The following SNX16 variants were observed in gnomAD, a reference collection of about 807,000 sequenced individuals.
SNX16 encodes the protein sorting nexin 16, also known as sorting nexin-16.
In SNX16, 35 loss-of-function variants were observed where a neutral mutation model predicts 36.7. The observed-to-expected ratio is 0.95, with a 90% CI of 0.73 to 1.27. SNX16 has a LOEUF of 1.27. Among genes scored for constraint, SNX16 ranks in the 50% most tolerant of loss-of-function variants. The probability of loss-of-function intolerance (pLI) is 0.00; values close to 1 mark genes in which losing one functional copy is unlikely to be tolerated. For synonymous variants in SNX16, 134 were observed against 132.0 expected (o/e 1.02, Z -0.10); for missense variants, 367 against 393.6 (o/e 0.93, Z 0.57).
intron 2 of SNX16, among the ~76,000 whole-genome samples, chr8:81,837,743 C>T (rs762184812): frequency 2.0e-5 from 3 of 152,154 alleles, no homozygotes; most frequent in Non-Finnish European, 2.9e-5. Context: ...AAGGAACGCA[C>T]ATTCAGACCA....
intron 1 of SNX16, among the ~76,000 whole-genome samples, chr8:81,841,341 CAA>C (rs34609959): frequency 3.0e-4 from 27 of 89,628 alleles, no homozygotes; most frequent in Admixed American, 2.3e-4. Context: ...AACTCCGTCT[CAA>C]AAAAAAAAAA....
chr8:81,831,150 A>G (rs529411419), intron 2 of SNX16, among the ~76,000 whole-genome samples: 1 of 152,316 alleles, frequency 6.6e-6, no homozygotes, highest in African/African-American at 2.4e-5. Context: ...AAGGCCACAA[A>G]CTATAAGAGT....
chr8:81,820,828 G>C (rs921763893), intron 4 of SNX16, among the ~76,000 whole-genome samples: 2 of 151,674 alleles, frequency 1.3e-5, no homozygotes, highest in African/African-American at 4.8e-5. Context: ...TTTAAAACCA[G>C]TGAGTATATA....
chr8:81,808,163 T>A, intron 5 of SNX16: 2 of 1,306,412 alleles, frequency 1.5e-6, no homozygotes, highest in South Asian at 2.4e-5. Context: ...TGTGGAAAAA[T>A]GGAAGTGATT....
intron 1 of SNX16, chr8:81,841,698 C>T (rs1811786616): frequency 6.6e-6 from 1 of 152,230 alleles, no homozygotes; most frequent in Non-Finnish European, 1.5e-5. Flanking sequence ...TCGCCTCTAC[C>T]CTGATGCGGA....
rs570097637 is a variant in SNX16 at position 81,807,721 on chromosome 8, C to T, written c.682-4493G>A. On this transcript the variant is annotated intron_variant, in intron 5 of 7. Transcript: ENST00000345957. ...TGAGGTCAGCTTGCTCCTTTCTGCC[C>T]GTGGATGCCGCCGAAGAAGCATTGT... 1.9e-3 allele frequency: 1,138 copies of T among 601,078 alleles called. 3 individuals carry two copies. Among genetic ancestry groups the T allele is most frequent in the Non-Finnish European group, 3.0e-3 (996 of 328,822 alleles). 37.2% of individuals were successfully genotyped at this position (601,078 alleles called of 1,614,324 possible).
At chr8:81,805,092 C>T (rs1405893674) in intron 5 of SNX16, among the ~76,000 whole-genome samples, 2 of 151,930 alleles carry the variant, frequency 1.3e-5, no homozygotes, top group African/African-American at 2.4e-5. Flanking sequence ...TTCAAGCACA[C>T]ATGGAAAATT....
At chr8:81,839,466 G>T (rs1247919478) in intron 2 of SNX16, 146 bp downstream of exon 2, 2 of 846,528 alleles carry the variant, frequency 2.4e-6, no homozygotes, top group Non-Finnish European at 3.6e-6. Flanking sequence ...ACTACAACAT[G>T]ATAGAATTCA....
At chr8:81,808,037 C>A in intron 5 of SNX16, 2 of 897,380 alleles carry the variant, frequency 2.2e-6, no homozygotes, top group Non-Finnish European at 3.7e-6. Flanking sequence ...CCAAAGAGAG[C>A]TGTCTCAAGG....
chr8:81,810,599 A>G (rs1208919816), intron 5 of SNX16, among the ~76,000 whole-genome samples: 1 of 152,220 alleles, frequency 6.6e-6, no homozygotes, highest in Non-Finnish European at 1.5e-5. Context: ...ATTTTAGAGA[A>G]AGAGTCTAGG....
chr8:81,800,080 A>G lies in SNX16; in HGVS notation c.*1417T>C, dbSNP rs1809617125. ...TTCAAAGGTTAACAACAGCCATTGA[A>G]TGTGTTGATATATGTCATTAGAATT... On this transcript the variant is annotated 3_prime_UTR_variant, in exon 8 of 8. Coordinates refer to ENST00000345957, the MANE Select transcript of SNX16 (RefSeq NM_152836.3). 6.6e-6 allele frequency: 1 copy of G among 151,888 alleles called. No individual in the cohort carries two copies. The highest frequency in any genetic ancestry group is 1.5e-5 in the Non-Finnish European group (1 of 67,774). The allele number at this position is 151,888 out of a possible 1,614,324, so 9.4% of individuals were successfully genotyped here.
intron 3 of SNX16, among the ~76,000 whole-genome samples, chr8:81,827,806 G>A (rs767828753): frequency 1.3e-5 from 2 of 152,108 alleles, no homozygotes; most frequent in South Asian, 4.2e-4. Flanking sequence ...AAAGAAGGAG[G>A]AAAGGACAAG....
chr8:81,830,579 TAAAAAAAAAA>T (rs752827905), intron 2 of SNX16, among the ~76,000 whole-genome samples: 1 of 90,254 alleles, frequency 1.1e-5, no homozygotes, highest in African/African-American at 4.4e-5. Context: ...GTCTAGGGGG[TAAAAAAAAAA>T]AAAAAAAAAA....
intron 2 of SNX16, among the ~76,000 whole-genome samples, chr8:81,834,446 T>G (rs925295900): frequency 2.0e-5 from 3 of 152,102 alleles, no homozygotes; most frequent in African/African-American, 7.2e-5. Context: ...CCCCAAAGAC[T>G]TAACTCATTT....
intron 3 of SNX16, among the ~76,000 whole-genome samples, chr8:81,829,114 T>C (rs1811135063): frequency 6.6e-6 from 1 of 152,194 alleles, no homozygotes; most frequent in Non-Finnish European, 1.5e-5. Flanking sequence ...TATGCAGTAA[T>C]AGGAAACTAA....
intron 5 of SNX16, among the ~76,000 whole-genome samples, chr8:81,811,075 T>G (rs1810220278): frequency 6.6e-6 from 1 of 152,134 alleles, no homozygotes; most frequent in African/African-American, 2.4e-5. Context: ...ATACTATACT[T>G]TAAAGGAATA....
chr8:81,827,498 T>G (rs1306938147), intron 3 of SNX16, among the ~76,000 whole-genome samples: 2 of 152,116 alleles, frequency 1.3e-5, no homozygotes, highest in Non-Finnish European at 2.9e-5. Context: ...AAGTACAGAA[T>G]TATAGATTTC....
chr8:81,809,185 T>C (rs1282037891), intron 5 of SNX16, among the ~76,000 whole-genome samples: 2 of 152,218 alleles, frequency 1.3e-5, no homozygotes, highest in Non-Finnish European at 1.5e-5. Flanking sequence ...ACATACAACC[T>C]GCTTGGGTGG....
chr8:81,809,456 G>A (rs1251318113), intron 5 of SNX16, among the ~76,000 whole-genome samples: 1 of 151,438 alleles, frequency 6.6e-6, no homozygotes, highest in African/African-American at 2.4e-5. Flanking sequence ...AAAAAGACCT[G>A]AGTGTGAAAA....
Sources: gnomAD v4.1 joint callset for allele counts (sites outside exome capture counted in the v4.1 genomes callset) on GRCh38, gnomAD v4.1.1 for gene constraint, MANE v1.5 for transcripts, NCBI Gene and HGNC (gene_info 2026-07-23, HGNC 2026-07-21) for gene names.